Variants in ARMH4 observed in about 807,000 individuals in gnomAD.
The protein encoded by ARMH4 is armadillo-like helical domain-containing protein 4.
A neutral mutation model predicts 61.9 loss-of-function variants in ARMH4; 49 were observed. The ratio of observed to expected loss-of-function variants is 0.79; its 90% CI spans 0.63 to 1.00. The LOEUF (loss-of-function observed/expected upper bound fraction) is 1.00. Among genes scored for constraint, ARMH4 ranks in the 50% least tolerant of loss-of-function variants. The probability of loss-of-function intolerance (pLI) is 0.00; values close to 1 mark genes in which losing one functional copy is unlikely to be tolerated. For missense variants in ARMH4, 934 were observed against 930.0 expected (o/e 1.00, Z -0.06); for synonymous variants, 368 against 341.5 (o/e 1.08, Z -0.85).
chr14:58,045,974 A>C (rs936396000), intron 5 of ARMH4, among the ~76,000 whole-genome samples: 1 of 152,200 alleles, frequency 6.6e-6, no homozygotes, highest in Admixed American at 6.5e-5. Flanking sequence ...AGGAAGCATG[A>C]AACAGGCTCT....
intron 4 of ARMH4, among the ~76,000 whole-genome samples, chr14:58,108,332 T>C (rs543471387): frequency 2.0e-5 from 3 of 152,326 alleles, no homozygotes; most frequent in South Asian, 2.1e-4. Context: ...TATATTAGAC[T>C]ATATACATAT....
chr14:58,026,368 C>T (rs977846645), intron 5 of ARMH4, among the ~76,000 whole-genome samples: 3 of 152,034 alleles, frequency 2.0e-5, no homozygotes, highest in Admixed American at 6.6e-5. Flanking sequence ...TTTACCTAAG[C>T]AACCTTGAAG....
At position 58,131,253 on chromosome 14, in the gene ARMH4, T is replaced by G; in HGVS notation, c.1831+259A>C. ...TTATTTATGAACACTGGAATTTGAATTTTTATAACTTTTCTATGTCACAAA... is the reference window on the plus strand; with the variant it reads ...TTATTTATGAACACTGGAATTTGAAGTTTTATAACTTTTCTATGTCACAAA... On this transcript the variant is annotated intron_variant, in intron 4 of 7. Coordinates refer to ENST00000267485, the MANE Select transcript of ARMH4 (RefSeq NM_001001872.4). The G allele has an allele frequency of 7.4e-6, 3 of 404,960 alleles. No homozygotes were observed. In the South Asian group the frequency reaches 1.2e-4, roughly 16 times the overall value. The allele number at this position is 404,960 out of a possible 1,614,324, so 25.1% of individuals were successfully genotyped here. A position where few individuals can be genotyped will look rare whatever the true frequency, so the allele number is the denominator to read the frequency against.
intron 5 of ARMH4, among the ~76,000 whole-genome samples, chr14:58,050,429 C>T (rs1884098161): frequency 6.6e-6 from 1 of 152,204 alleles, no homozygotes; most frequent in Admixed American, 6.5e-5. Flanking sequence ...CCCATTCGAC[C>T]TGGTGATAGT....
intron 2 of ARMH4, among the ~76,000 whole-genome samples, chr14:58,137,781 CTCACTATA>C (rs1405615012): frequency 6.6e-6 from 1 of 151,842 alleles, no homozygotes; most frequent in African/African-American, 2.4e-5. Flanking sequence ...GAGAAGAGGT[CTCACTATA>C]TCACCCAAGC....
At chr14:58,039,841 G>A (rs1883624344) in intron 5 of ARMH4, among the ~76,000 whole-genome samples, 2 of 152,192 alleles carry the variant, frequency 1.3e-5, no homozygotes, top group Admixed American at 1.3e-4. Flanking sequence ...TGGGTATCAT[G>A]TAGAACTGCA....
chr14:58,125,147 G>A (rs1269256640), intron 4 of ARMH4, among the ~76,000 whole-genome samples: 1 of 151,974 alleles, frequency 6.6e-6, no homozygotes, highest in Non-Finnish European at 1.5e-5. Flanking sequence ...AGTGGACATT[G>A]AAGCCAAAAG....
At chr14:58,072,762 A>C (rs539462398) in intron 5 of ARMH4, among the ~76,000 whole-genome samples, 13 of 151,898 alleles carry the variant, frequency 8.6e-5, no homozygotes, top group South Asian at 4.2e-4. Context: ...GTTCCTTTTT[A>C]GTTGACTGCA....
chr14:58,139,372 T>C lies in ARMH4; in HGVS notation c.-14A>G. On this transcript the variant is annotated 5_prime_UTR_variant, in exon 2 of 8. Transcript: ENST00000267485. ...CGGTCCTCTCATAGTGGAAGAGAAA[T>C]GGCACGTACACTGGCAGAGTTGACA... 6.2e-7 allele frequency: 1 copy of C among 1,612,582 alleles called. No individual in the cohort carries two copies. Among genetic ancestry groups the C allele is most frequent in the Non-Finnish European group, 8.5e-7 (1 of 1,179,658 alleles).
intron 4 of ARMH4, among the ~76,000 whole-genome samples, chr14:58,117,584 C>T (rs752411090): frequency 6.6e-6 from 1 of 152,124 alleles, no homozygotes; most frequent in Non-Finnish European, 1.5e-5. Context: ...CTTTGTGCCC[C>T]ACTTCCCAGG....
intron 5 of ARMH4, among the ~76,000 whole-genome samples, chr14:58,074,665 C>T (rs1348489763): frequency 1.3e-5 from 2 of 152,110 alleles, no homozygotes; most frequent in South Asian, 2.1e-4. Context: ...CACCATGATG[C>T]GGTTTTCCAC....
intron 5 of ARMH4, among the ~76,000 whole-genome samples, chr14:58,065,406 C>G (rs1261376557): frequency 6.6e-6 from 1 of 152,246 alleles, no homozygotes; most frequent in African/African-American, 2.4e-5. Context: ...CGAAGAACCT[C>G]ACTGATTTCC....
At position 58,040,117 on chromosome 14, in the gene ARMH4, A is replaced by C. The variant is rs546589421; in HGVS notation, c.2090-27967T>G. On this transcript the variant is annotated intron_variant, in intron 5 of 7. Transcript: ENST00000267485. Reference sequence around the variant, plus strand: ...GAAGTTTCTAAGACCCACCAGAGCCAGTGGAGCTGATGAGAAAAATTGGGT... The same window carrying C: ...GAAGTTTCTAAGACCCACCAGAGCCCGTGGAGCTGATGAGAAAAATTGGGT... Among the ~76,000 whole-genome samples the C allele has an allele frequency of 1.3e-3, 191 of 152,368 alleles. 1 individual carries two copies. Among genetic ancestry groups the C allele is most frequent in the African/African-American group, 4.2e-3 (176 of 41,602 alleles).
At chr14:58,076,233 G>A (rs1885045435) in intron 5 of ARMH4, among the ~76,000 whole-genome samples, 1 of 152,180 alleles carries the variant, frequency 6.6e-6, no homozygotes. Flanking sequence ...TTCTGTGAAA[G>A]TTTGTGGAAA....
chr14:58,112,932 T>C (rs1034839146), intron 4 of ARMH4, among the ~76,000 whole-genome samples: 22 of 152,200 alleles, frequency 1.4e-4, no homozygotes, highest in African/African-American at 5.1e-4. Flanking sequence ...TTGTCTTCAT[T>C]GTTCTTTCAT....
intron 1 of ARMH4, among the ~76,000 whole-genome samples, chr14:58,147,342 G>A (rs1210728805): frequency 1.4e-5 from 2 of 140,594 alleles, no homozygotes; most frequent in Non-Finnish European, 3.0e-5. Flanking sequence ...TTGATAGGAA[G>A]TCTCACTCTG....
intron 5 of ARMH4, among the ~76,000 whole-genome samples, chr14:58,040,282 G>A (rs10131965): frequency 0.53 from 80,162 of 151,854 alleles, 21,347 homozygotes; most frequent in East Asian, 0.68. Context: ...TTAGTACCCA[G>A]TCGTTGTTTG....
At chr14:58,089,404 G>T (rs1885487131) in intron 5 of ARMH4, among the ~76,000 whole-genome samples, 1 of 152,294 alleles carries the variant, frequency 6.6e-6, no homozygotes, top group Non-Finnish European at 1.5e-5. Context: ...AGGAAGAGAA[G>T]AGAGTGCTGA....
intron 5 of ARMH4, among the ~76,000 whole-genome samples, chr14:58,022,544 G>C (rs970664324): frequency 3.5e-4 from 54 of 152,266 alleles, no homozygotes; most frequent in African/African-American, 1.3e-3. Flanking sequence ...CCAGCAGCAA[G>C]GAGCTCCAGC....
Sources: gnomAD v4.1 joint callset for allele counts (sites outside exome capture counted in the v4.1 genomes callset) on GRCh38, gnomAD v4.1.1 for gene constraint, MANE v1.5 for transcripts, NCBI Gene and HGNC (gene_info 2026-07-23, HGNC 2026-07-21) for gene names.